The following RTKN2 variants were observed in gnomAD, a reference collection of about 807,000 sequenced individuals.
RTKN2 encodes rhotekin-2.
In RTKN2, 69 loss-of-function variants were observed where a neutral mutation model predicts 71.5. The ratio of observed to expected loss-of-function variants is 0.96; its 90% CI spans 0.79 to 1.18. The LOEUF (loss-of-function observed/expected upper bound fraction) is 1.18, where lower values mean the gene tolerates loss of function less well. RTKN2 is among the 50% of genes most tolerant of loss of function. The pLI is 0.00. For synonymous variants in RTKN2, 236 were observed against 236.5 expected, an observed-to-expected ratio of 1.00 and a Z score of 0.02; for missense variants, 724 against 719.7, an observed-to-expected ratio of 1.01 and a Z score of -0.07.
In RTKN2 at chr10:62,194,942, A is replaced by T. The variant is rs1841292071; in HGVS notation, c.*2966T>A. The T allele has an allele frequency of 1.0e-6, 1 of 985,300 alleles. No homozygotes were observed. The highest frequency in any genetic ancestry group is 1.2e-6 in the Non-Finnish European group (1 of 829,930). The allele number at this position is 985,300 out of a possible 1,614,324, so 61.0% of individuals were successfully genotyped here. A position where few individuals can be genotyped will look rare whatever the true frequency, so the allele number is the denominator to read the frequency against. Reference sequence around the variant, plus strand: ...CAGGGGGCACTGCAGACAGTTAAGGAGGATTTAACAAAACTCAGCAAGAGT... The same window carrying T: ...CAGGGGGCACTGCAGACAGTTAAGGTGGATTTAACAAAACTCAGCAAGAGT... On this transcript the variant is annotated 3_prime_UTR_variant, in exon 12 of 12. Coordinates refer to ENST00000373789, the MANE Select transcript of RTKN2 (RefSeq NM_145307.4).
intron 8 of RTKN2, among the ~76,000 whole-genome samples, chr10:62,187,779 T>C (rs1014048734): frequency 6.6e-6 from 1 of 152,228 alleles, no homozygotes; most frequent in Non-Finnish European, 1.5e-5. Flanking sequence ...CTTTTCTTCT[T>C]CTAGATACAA....
intron 2 of RTKN2, among the ~76,000 whole-genome samples, chr10:62,259,684 T>C (rs1319572260): frequency 1.3e-5 from 2 of 152,168 alleles, no homozygotes; most frequent in Non-Finnish European, 2.9e-5. Context: ...CTTGAGTAGC[T>C]GGGAGTACAG....
At position 62,199,845 on chromosome 10, in the gene RTKN2, A is replaced by G. The variant is rs769830124; in HGVS notation, c.1203T>C (p.Cys401=). ...HFFDLSQWKH[C]CEELMKIEIM... is the part of the protein sequence containing the mutation. ...TCTCAATTTTCATAAGTTCTTCACAACAGTGCTTCCATTGGCCTAAGACAG... is the reference window on the plus strand; with the variant it reads ...TCTCAATTTTCATAAGTTCTTCACAGCAGTGCTTCCATTGGCCTAAGACAG... Residue 401 remains cysteine (C), a synonymous_variant, in exon 11 of 12, where the codon TGT becomes TGC. Coordinates refer to ENST00000373789, the MANE Select transcript of RTKN2 (RefSeq NM_145307.4). 2.5e-6 allele frequency: 4 copies of G among 1,612,310 alleles called. No homozygotes were observed. The highest frequency in any genetic ancestry group is 2.2e-5 in the South Asian group (2 of 91,014).
chr10:62,196,120 T>G lies in RTKN2; in HGVS notation c.*1788A>C. On this transcript the variant is annotated 3_prime_UTR_variant, in exon 12 of 12. Coordinates refer to ENST00000373789, the MANE Select transcript of RTKN2 (RefSeq NM_145307.4). ...AGCATCTTCTAGCTCAATAATTTAG[T>G]GGCAATGACAGTCACAAATGCTGTC... 1.0e-6 allele frequency: 1 copy of G among 984,982 alleles called. No homozygotes were observed. The highest frequency in any genetic ancestry group is 1.2e-6 in the Non-Finnish European group (1 of 829,632). 61.0% of individuals were successfully genotyped at this position (984,982 alleles called of 1,614,324 possible). A position where few individuals can be genotyped will look rare whatever the true frequency, so the allele number is the denominator to read the frequency against.
chr10:62,233,483 T>C (rs1025794778), intron 6 of RTKN2, among the ~76,000 whole-genome samples: 1 of 152,088 alleles, frequency 6.6e-6, no homozygotes, highest in African/African-American at 2.4e-5. Context: ...GACATTTACA[T>C]TGGAAAGACA....
intron 2 of RTKN2, among the ~76,000 whole-genome samples, chr10:62,247,280 C>T (rs1842497413): frequency 2.0e-5 from 3 of 151,864 alleles, no homozygotes; most frequent in African/African-American, 4.8e-5. Flanking sequence ...TATCATCCTG[C>T]TTTTTTGCCC....
At chr10:62,250,295 T>G (rs1350960379) in intron 2 of RTKN2, among the ~76,000 whole-genome samples, 2 of 152,262 alleles carry the variant, frequency 1.3e-5, no homozygotes, top group African/African-American at 4.8e-5. Context: ...TCCTGTAAGA[T>G]ACACAAGAAT....
rs759022341 is a variant in RTKN2, at chr10:62,194,610, G to A, written c.*3298C>T. 9.1e-6 allele frequency: 9 copies of A among 985,224 alleles called. No individual in the cohort carries two copies. The African/African-American group carries it at 1.0e-4, about 11-fold the overall frequency. 61.0% of individuals were successfully genotyped at this position (985,224 alleles called of 1,614,324 possible). A position where few individuals can be genotyped will look rare whatever the true frequency, so the allele number is the denominator to read the frequency against. On this transcript the variant is annotated 3_prime_UTR_variant, in exon 12 of 12. Transcript: ENST00000373789. The stretch of plus-strand genomic sequence containing the variant: ...CATGTAGTATAGTTGTGCCTCATTC[G>A]TGGTAACACAGGTGATTACATTCAA...
At chr10:62,232,463 G>A (rs1842170252) in intron 6 of RTKN2, among the ~76,000 whole-genome samples, 1 of 151,650 alleles carries the variant, frequency 6.6e-6, no homozygotes, top group African/African-American at 2.4e-5. Context: ...TACAGCTGGG[G>A]CTGGGTTTTT....
intron 4 of RTKN2, among the ~76,000 whole-genome samples, chr10:62,240,106 GCA>G (rs934216496): frequency 1.3e-5 from 2 of 151,908 alleles, no homozygotes; most frequent in African/African-American, 2.4e-5. Flanking sequence ...ATGCAAGCGT[GCA>G]CACACACACT....
At chr10:62,249,640 T>G (rs1842543132) in intron 2 of RTKN2, among the ~76,000 whole-genome samples, 1 of 152,188 alleles carries the variant, frequency 6.6e-6, no homozygotes, top group Admixed American at 6.5e-5. Context: ...GTCTTAGAAT[T>G]GGATTTTACT....
intron 6 of RTKN2, among the ~76,000 whole-genome samples, chr10:62,231,272 G>A (rs540469483): frequency 6.6e-6 from 1 of 152,102 alleles, no homozygotes; most frequent in Non-Finnish European, 1.5e-5. Flanking sequence ...GTACTAAATA[G>A]TTATCAAGGA....
rs1841267572 is a variant in RTKN2, at chr10:62,193,681, C to A, written c.*4227G>T. ...AGGGAGGTACATTAAAATAAGGAGA[C>A]TCCTTGTGGCTAGTAGCGACTGAAT... On this transcript the variant is annotated 3_prime_UTR_variant, in exon 12 of 12. Transcript: ENST00000373789. The A allele has an allele frequency of 2.0e-6, 2 of 985,168 alleles. No individual in the cohort carries two copies. The highest frequency in any genetic ancestry group is 2.4e-6 in the Non-Finnish European group (2 of 829,746). The allele number at this position is 985,168 out of a possible 1,614,324, so 61.0% of individuals were successfully genotyped here. A position where few individuals can be genotyped will look rare whatever the true frequency, so the allele number is the denominator to read the frequency against.
rs1841275439 is a variant in RTKN2, at chr10:62,194,058, C to T, written c.*3850G>A. 5 of 981,864 alleles carry T rather than the reference C, an allele frequency of 5.1e-6. No individual in the cohort carries two copies. In the South Asian group the frequency reaches 1.9e-4, roughly 37 times the overall value. 60.8% of individuals were successfully genotyped at this position (981,864 alleles called of 1,614,324 possible). On this transcript the variant is annotated 3_prime_UTR_variant, in exon 12 of 12. Coordinates refer to ENST00000373789, the MANE Select transcript of RTKN2 (RefSeq NM_145307.4). ...CAATTACATGACTTGGGCTCGCTTACCAAATACCTTTGGTACTTTAAAAAA... is the reference window on the plus strand; with the variant it reads ...CAATTACATGACTTGGGCTCGCTTATCAAATACCTTTGGTACTTTAAAAAA...
chr10:62,261,329 T>C (rs1265117205), intron 2 of RTKN2, among the ~76,000 whole-genome samples: 2 of 152,156 alleles, frequency 1.3e-5, no homozygotes, highest in East Asian at 3.9e-4. Flanking sequence ...AGGAAGGAAC[T>C]GAGGCACAAG....
At chr10:62,212,785 C>A (rs997558706) in intron 9 of RTKN2, among the ~76,000 whole-genome samples, 4 of 152,060 alleles carry the variant, frequency 2.6e-5, no homozygotes, top group African/African-American at 7.2e-5. Flanking sequence ...GAAAAACAAT[C>A]AAAATATCTA....
chr10:62,265,350 G>A (rs142849409), intron 1 of RTKN2, among the ~76,000 whole-genome samples: 150 of 152,234 alleles, frequency 9.9e-4, no homozygotes, highest in African/African-American at 3.5e-3. Context: ...CTTCAACAGA[G>A]ACTGAGTGGC....
chr10:62,205,269 T>C (rs79251148), intron 9 of RTKN2, among the ~76,000 whole-genome samples: 2,781 of 152,310 alleles, frequency 0.018, 82 homozygotes, highest in African/African-American at 0.062. Context: ...ATAGCACTTA[T>C]GCTAAATTAC....
chr10:62,201,500 G>A (rs1410506180), intron 10 of RTKN2, among the ~76,000 whole-genome samples: 1 of 151,926 alleles, frequency 6.6e-6, no homozygotes, highest in Non-Finnish European at 1.5e-5. Flanking sequence ...TCTGAGATCT[G>A]ATAACTTATT....
Sources: allele counts gnomAD v4.1 joint callset (sites outside exome capture counted in the v4.1 genomes callset), GRCh38; gene constraint gnomAD v4.1.1; transcripts MANE v1.5; gene names NCBI Gene and HGNC (gene_info 2026-07-23, HGNC 2026-07-21).